APOBEC2: variants seen among roughly 807,000 people sequenced by gnomAD.
APOBEC2 encodes apolipoprotein B mRNA editing enzyme catalytic subunit 2, also known as C->U-editing enzyme APOBEC-2.
APOBEC2 carries 14 observed loss-of-function variants against 19.4 expected under a neutral mutation model. The ratio of observed to expected loss-of-function variants is 0.72; its 90% confidence interval spans 0.48 to 1.13. APOBEC2 has a LOEUF of 1.13. APOBEC2 is among the 50% of genes most tolerant of loss of function. The pLI, the probability that APOBEC2 is intolerant of heterozygous loss-of-function variation, is 0.00. For missense variants in APOBEC2, 304 were observed against 277.0 expected, an observed-to-expected ratio of 1.10 and a Z score of -0.69; for synonymous variants, 127 against 112.1, an observed-to-expected ratio of 1.13 and a Z score of -0.84.
At position 41,061,361 on chromosome 6, in the gene APOBEC2, G is replaced by T. The variant is rs759958746; in HGVS notation, c.165G>T (p.Gln55His). Reference sequence around the variant, plus strand: ...TGCCTGCCAACTTCTTTAAATTCCAGTTCCGGAATGTGGAGTACAGTTCCG... The same window carrying T: ...TGCCTGCCAACTTCTTTAAATTCCATTTCCGGAATGTGGAGTACAGTTCCG... ...ERLPANFFKF[Q>H]FRNVEYSSGR... The change falls in exon 2 of 3, where the codon CAG (glutamine) becomes CAT (histidine). Residue 55 changes from glutamine (Q) to histidine (H), a missense_variant. By Grantham distance (24) the Gln-to-His change is conservative (BLOSUM62 0). Transcript: ENST00000244669. 6.5e-7 allele frequency: 1 copy of T among 1,535,784 alleles called. No individual in the cohort carries two copies.
intron 2 of APOBEC2, among the ~76,000 whole-genome samples, chr6:41,063,788 A>C (rs370738581): frequency 3.1e-5 from 4 of 127,916 alleles, no homozygotes; most frequent in African/African-American, 1.2e-4. Context: ...TTACATACTT[A>C]TTTCATCTTT....
rs1331464598 is a variant in APOBEC2, at chr6:41,061,412, T to C, written c.216T>C (p.Tyr72=). 1 of 1,608,536 alleles carries C rather than the reference T, an allele frequency of 6.2e-7. No homozygotes were observed. The highest frequency in any genetic ancestry group is 1.7e-5 in the Admixed American group (1 of 59,312). ...SSGRNKTFLC[Y]VVEAQGKGGQ... is the part of the protein sequence containing the mutation. The stretch of plus-strand genomic sequence containing the variant: ...GGAGGAACAAGACCTTCCTCTGCTA[T>C]GTGGTTGAAGCACAGGGCAAGGGGG... The change falls in exon 2 of 3, where the codon TAT becomes TAC. Residue 72 remains tyrosine (Y), a synonymous_variant. Coordinates refer to ENST00000244669, the MANE Select transcript of APOBEC2 (RefSeq NM_006789.4).
At chr6:41,055,833 T>C (rs1313298208) in intron 1 of APOBEC2, among the ~76,000 whole-genome samples, 2 of 152,300 alleles carry the variant, frequency 1.3e-5, no homozygotes, top group African/African-American at 4.8e-5. Flanking sequence ...GGTTCACAAG[T>C]CTCTTCCCTA....
chr6:41,059,394 T>G (rs558411545), intron 1 of APOBEC2, among the ~76,000 whole-genome samples: 3 of 152,176 alleles, frequency 2.0e-5, no homozygotes, highest in Admixed American at 1.3e-4. Context: ...AAAAAGCCAC[T>G]CCAGGAAGTG....
chr6:41,056,025 G>A (rs1762790060), intron 1 of APOBEC2, among the ~76,000 whole-genome samples: 1 of 152,236 alleles, frequency 6.6e-6, no homozygotes, highest in Admixed American at 6.5e-5. Flanking sequence ...AGAGCAGTGG[G>A]AAAGGGATCA....
intron 1 of APOBEC2, among the ~76,000 whole-genome samples, chr6:41,058,288 A>C (rs1313041745): frequency 5.7e-5 from 8 of 139,900 alleles, no homozygotes; most frequent in Non-Finnish European, 1.2e-4. Context: ...CCACACACCC[A>C]CACACACACA....
intron 1 of APOBEC2, among the ~76,000 whole-genome samples, chr6:41,055,958 G>A (rs1454914265): frequency 2.0e-5 from 3 of 152,118 alleles, no homozygotes; most frequent in Admixed American, 1.3e-4. Context: ...TCAGAGAGAT[G>A]AGTGTTACAC....
intron 1 of APOBEC2, among the ~76,000 whole-genome samples, chr6:41,056,032 A>T (rs1179061439): frequency 1.3e-5 from 2 of 152,224 alleles, no homozygotes; most frequent in Non-Finnish European, 2.9e-5. Context: ...TGGGAAAGGG[A>T]TCAGGTTTGG....
In APOBEC2 at chr6:41,064,503, A is replaced by G. The variant is rs1762932187; in HGVS notation, c.*424A>G. The G allele has an allele frequency of 6.6e-6, 1 of 152,232 alleles. No individual in the cohort carries two copies. Among genetic ancestry groups the G allele is most frequent in the African/African-American group, 2.4e-5 (1 of 41,462 alleles). The allele number at this position is 152,232 out of a possible 1,614,324, so 9.4% of individuals were successfully genotyped here. On this transcript the variant is annotated 3_prime_UTR_variant, in exon 3 of 3. Coordinates refer to ENST00000244669, the MANE Select transcript of APOBEC2 (RefSeq NM_006789.4). ...GAAAAACAGCAACATTAATAAAAGAAGTGGTGTGTTTTTCCCGTGGCCAGA... is the reference window on the plus strand; with the variant it reads ...GAAAAACAGCAACATTAATAAAAGAGGTGGTGTGTTTTTCCCGTGGCCAGA...
chr6:41,059,583 G>A (rs1344540879), intron 1 of APOBEC2, among the ~76,000 whole-genome samples: 1 of 152,184 alleles, frequency 6.6e-6, no homozygotes, highest in African/African-American at 2.4e-5. Context: ...TAGGGACACA[G>A]GGGCTTAGAG....
chr6:41,057,309 G>T (rs1358804295), intron 1 of APOBEC2, among the ~76,000 whole-genome samples: 1 of 152,122 alleles, frequency 6.6e-6, no homozygotes, highest in Non-Finnish European at 1.5e-5. Flanking sequence ...ACGCTGGGTG[G>T]TGTGTCACCA....
intron 1 of APOBEC2, among the ~76,000 whole-genome samples, chr6:41,060,723 G>A (rs1007506942): frequency 2.6e-5 from 4 of 152,232 alleles, no homozygotes; most frequent in Admixed American, 6.5e-5. Context: ...TTGAGAAGGA[G>A]AGCATGTTAT....
At chr6:41,056,035 AG>A (rs1420900231) in intron 1 of APOBEC2, among the ~76,000 whole-genome samples, 3 of 152,248 alleles carry the variant, frequency 2.0e-5, no homozygotes, top group African/African-American at 2.4e-5. Flanking sequence ...GAAAGGGATC[AG>A]GTTTGGTAAT....
intron 1 of APOBEC2, among the ~76,000 whole-genome samples, chr6:41,055,214 T>C (rs1346239721): frequency 6.6e-6 from 1 of 152,210 alleles, no homozygotes; most frequent in Non-Finnish European, 1.5e-5. Context: ...TGGTTTCTTA[T>C]TCATTCTGGA....
intron 1 of APOBEC2, among the ~76,000 whole-genome samples, chr6:41,060,243 C>T (rs1762854488): frequency 6.6e-6 from 1 of 152,112 alleles, no homozygotes; most frequent in Non-Finnish European, 1.5e-5. Flanking sequence ...AATTCATCAC[C>T]AAGTTTAGTG....
At chr6:41,063,194 C>T (rs1762901211) in intron 2 of APOBEC2, among the ~76,000 whole-genome samples, 1 of 152,142 alleles carries the variant, frequency 6.6e-6, no homozygotes, top group Non-Finnish European at 1.5e-5. Flanking sequence ...CATGAAGATA[C>T]AACTTTCAGC....
At chr6:41,057,237 G>C (rs1285083554) in intron 1 of APOBEC2, among the ~76,000 whole-genome samples, 1 of 152,166 alleles carries the variant, frequency 6.6e-6, no homozygotes, top group Non-Finnish European at 1.5e-5. Context: ...TAAGGAGTGA[G>C]GGGACTTCGA....
chr6:41,060,954 A>T (rs1762861851), intron 1 of APOBEC2, among the ~76,000 whole-genome samples: 1 of 152,234 alleles, frequency 6.6e-6, no homozygotes, highest in South Asian at 2.1e-4. Flanking sequence ...TTGGTTTGGC[A>T]TGAGGCCCAG....
rs200738876 is a variant in APOBEC2 at position 41,053,399 on chromosome 6, G to A, written c.52G>A (p.Gly18Arg). Residue 18 changes from glycine to arginine, a missense_variant, in exon 1 of 3, where the codon GGG (glycine) becomes AGG (arginine). Gly to Arg is a moderately radical substitution (Grantham distance 125). Coordinates refer to ENST00000244669, the MANE Select transcript of APOBEC2 (RefSeq NM_006789.4). ...AVATEAASQN[G>R]EDLENLDDPE... Reference sequence around the variant, plus strand: ...GGCCACTGAGGCTGCCTCCCAGAATGGGGAGGATCTGGAGAACCTGGACGA... The same window carrying A: ...GGCCACTGAGGCTGCCTCCCAGAATAGGGAGGATCTGGAGAACCTGGACGA... 21 of 1,614,010 alleles carry A rather than the reference G, an allele frequency of 1.3e-5. No homozygotes were observed. The highest frequency in any genetic ancestry group is 1.2e-5 in the Non-Finnish European group (14 of 1,180,024).
Sources: allele counts gnomAD v4.1 joint callset (sites outside exome capture counted in the v4.1 genomes callset), GRCh38; gene constraint gnomAD v4.1.1; transcripts MANE v1.5; gene names NCBI Gene and HGNC (gene_info 2026-07-23, HGNC 2026-07-21).